The following LRCH3 variants were observed in gnomAD, a reference collection of about 807,000 sequenced individuals.
LRCH3 encodes the protein leucine rich repeats and calponin homology domain containing 3.
Under a neutral mutation model 104.5 loss-of-function variants are expected in LRCH3, and 68 were observed. The observed-to-expected ratio is 0.65, with a 90% CI of 0.54 to 0.80. The LOEUF (loss-of-function observed/expected upper bound fraction) is 0.80. Ranked by LOEUF, LRCH3 falls within the 30% of genes least tolerant of loss-of-function variation. The pLI, the probability that LRCH3 is intolerant of heterozygous loss-of-function variation, is 0.00. For missense variants in LRCH3, 951 were observed against 953.9 expected, an observed-to-expected ratio of 1.00 and a Z score of 0.04; for synonymous variants, 344 against 361.3, an observed-to-expected ratio of 0.95 and a Z score of 0.54.
chr3:197,827,823 A>G (rs1389207156), intron 5 of LRCH3, among the ~76,000 whole-genome samples: 2 of 152,064 alleles, frequency 1.3e-5, no homozygotes, highest in African/African-American at 4.8e-5. Flanking sequence ...TCATGCCTGT[A>G]ATTCCAGCAC....
intron 20 of LRCH3, chr3:197,882,347 A>C (rs973918363): frequency 6.1e-6 from 6 of 985,276 alleles, no homozygotes; most frequent in African/African-American, 1.7e-5. Context: ...GTATTTCTAC[A>C]AAGTTGCTAG....
At chr3:197,799,335 C>T (rs530368475) in intron 1 of LRCH3, among the ~76,000 whole-genome samples, 1 of 152,298 alleles carries the variant, frequency 6.6e-6, no homozygotes, top group East Asian at 1.9e-4. Context: ...TGGTAATTCA[C>T]ACAAAGGAAT....
At chr3:197,824,522 C>CT (rs1734893684) in intron 4 of LRCH3, among the ~76,000 whole-genome samples, 2 of 150,830 alleles carry the variant, frequency 1.3e-5, no homozygotes, top group Non-Finnish European at 2.9e-5. Flanking sequence ...TCACTGAGCC[C>CT]TTTTTTTCTC....
chr3:197,844,076 CATT>C (rs549913274), intron 10 of LRCH3, among the ~76,000 whole-genome samples: 221 of 152,250 alleles, frequency 1.5e-3, no homozygotes, highest in Middle Eastern at 3.4e-3. Flanking sequence ...AAAGAGCAAA[CATT>C]ATGGATGTCT....
chr3:197,857,641 C>T (rs878895102), intron 14 of LRCH3, among the ~76,000 whole-genome samples: 2 of 152,318 alleles, frequency 1.3e-5, no homozygotes, highest in Admixed American at 1.3e-4. Flanking sequence ...CTCATTTTAC[C>T]TCTTCTTCCT....
At chr3:197,857,082 G>A (rs1580831493) in intron 14 of LRCH3, among the ~76,000 whole-genome samples, 1 of 150,758 alleles carries the variant, frequency 6.6e-6, no homozygotes, top group African/African-American at 2.4e-5. Context: ...TCAAGCTCCT[G>A]TTAATATCAG....
chr3:197,857,407 A>G (rs1267939602), intron 14 of LRCH3, among the ~76,000 whole-genome samples: 3 of 145,546 alleles, frequency 2.1e-5, no homozygotes, highest in Non-Finnish European at 1.5e-5. Context: ...TCACACTGAC[A>G]TTCTCTTCCG....
At chr3:197,863,408 C>T (rs1278512953) in intron 15 of LRCH3, among the ~76,000 whole-genome samples, 4 of 152,044 alleles carry the variant, frequency 2.6e-5, no homozygotes, top group Non-Finnish European at 5.9e-5. Flanking sequence ...ACTACAGGCG[C>T]CACCACCATG....
chr3:197,805,606 G>A (rs1313571067), intron 1 of LRCH3, among the ~76,000 whole-genome samples: 1 of 150,652 alleles, frequency 6.6e-6, no homozygotes, highest in Non-Finnish European at 1.5e-5. Context: ...AGAATGGTAA[G>A]ATCTCTAGGC....
intron 19 of LRCH3, among the ~76,000 whole-genome samples, chr3:197,874,191 G>C (rs142347253): frequency 6.6e-6 from 1 of 152,178 alleles, no homozygotes; most frequent in Admixed American, 6.5e-5. Flanking sequence ...TGGCCTGTTA[G>C]GAACTGGGCT....
At chr3:197,839,271 G>C (rs745823954) in intron 9 of LRCH3, 50 bp from the exon 10 acceptor site, 3 of 1,186,562 alleles carry the variant, frequency 2.5e-6, no homozygotes, top group South Asian at 1.5e-5. Context: ...TGTAATCGCA[G>C]TGTTCTGGAT....
At chr3:197,837,776 G>T (rs923927175) in intron 9 of LRCH3, among the ~76,000 whole-genome samples, 1 of 152,034 alleles carries the variant, frequency 6.6e-6, no homozygotes, top group Non-Finnish European at 1.5e-5. Context: ...GCTGGACATG[G>T]TGGCTCACAC....
At chr3:197,855,547 A>C (rs1740134586) in intron 14 of LRCH3, among the ~76,000 whole-genome samples, 1 of 152,206 alleles carries the variant, frequency 6.6e-6, no homozygotes, top group Non-Finnish European at 1.5e-5. Context: ...CAGTAAGTGC[A>C]AGGCTGGGAA....
At chr3:197,881,626 C>G in intron 20 of LRCH3, 1 of 985,464 alleles carries the variant, frequency 1.0e-6, no homozygotes, top group Non-Finnish European at 1.2e-6. Flanking sequence ...TATTGTCTAG[C>G]TCTTTCAGAA....
intron 10 of LRCH3, among the ~76,000 whole-genome samples, chr3:197,841,592 G>A (rs772690632): frequency 2.0e-5 from 3 of 152,108 alleles, no homozygotes; most frequent in Admixed American, 2.0e-4. Context: ...GCCAGGGACC[G>A]AGATCGTGGA....
chr3:197,804,489 G>T (rs1255072505), intron 1 of LRCH3, among the ~76,000 whole-genome samples: 1 of 152,170 alleles, frequency 6.6e-6, no homozygotes, highest in Non-Finnish European at 1.5e-5. Context: ...AGTAGGTATG[G>T]TAAGGATCCA....
At position 197,826,860 on chromosome 3, in the gene LRCH3, C is replaced by T. The variant is rs745784665; in HGVS notation, c.641-18C>T. 2 of 1,613,774 alleles carry T rather than the reference C, an allele frequency of 1.2e-6. No homozygotes were observed. On this transcript the variant is annotated intron_variant, in intron 4 of 20. Coordinates refer to ENST00000425562, the MANE Select transcript of LRCH3 (RefSeq NM_001365715.1). ...TAAAACATCATTAATTGTTCATTTC[C>T]ATTTTACCTTCTTGCAGAGCTGGCG...
chr3:197,852,679 T>C (rs1332065776), intron 13 of LRCH3, 59 bp downstream of exon 13: 9 of 1,515,232 alleles, frequency 5.9e-6, no homozygotes, highest in East Asian at 2.3e-5. Flanking sequence ...GGAAATGAAA[T>C]GTTTACATGT....
At chr3:197,861,268 G>A (rs1025260924) in intron 15 of LRCH3, among the ~76,000 whole-genome samples, 2 of 152,108 alleles carry the variant, frequency 1.3e-5, no homozygotes, top group Non-Finnish European at 2.9e-5. Context: ...TTTGCTAGCC[G>A]TTCTCAACTG....
Sources: gnomAD v4.1 joint callset for allele counts (sites outside exome capture counted in the v4.1 genomes callset) on GRCh38, gnomAD v4.1.1 for gene constraint, MANE v1.5 for transcripts, NCBI Gene and HGNC (gene_info 2026-07-23, HGNC 2026-07-21) for gene names.